Variants in ACTR3C observed in about 807,000 individuals in gnomAD.
ACTR3C encodes the protein actin-related protein 3C.
A neutral mutation model predicts 26.3 loss-of-function variants in ACTR3C; 18 were observed. The observed-to-expected ratio is 0.68, with a 90% CI of 0.47 to 1.01. The LOEUF is 1.01. ACTR3C is among the 50% of genes least tolerant of loss of function. ACTR3C has a pLI of 0.00. For missense variants in ACTR3C, 184 were observed against 250.7 expected (o/e 0.73, Z 1.80); for synonymous variants, 55 against 94.5 (o/e 0.58, Z 2.42).
the ACTR3C span, among the ~76,000 whole-genome samples, chr7:150,038,638 G>C: frequency 2.1e-5 from 3 of 144,234 alleles, no homozygotes; most frequent in East Asian, 5.9e-4. Context: ...GTTCGGACCC[G>C]TCGGATCGTA....
chr7:149,964,391 G>A, the ACTR3C span, among the ~76,000 whole-genome samples: 1 of 152,208 alleles, frequency 6.6e-6, no homozygotes, highest in East Asian at 1.9e-4. Context: ...CCGAAATGAG[G>A]ACCTGAAGCA....
At chr7:149,933,515 C>G in the ACTR3C span, among the ~76,000 whole-genome samples, 2 of 152,032 alleles carry the variant, frequency 1.3e-5, no homozygotes, top group Non-Finnish European at 2.9e-5. Context: ...ATTGAAGATA[C>G]TAAAGATAAT....
intron 6 of ACTR3C, among the ~76,000 whole-genome samples, chr7:150,261,193 A>C (rs1833611504): frequency 2.6e-5 from 4 of 152,218 alleles, no homozygotes; most frequent in South Asian, 2.1e-4. Flanking sequence ...GAAAGTCATA[A>C]TTTCTGCTGG....
chr7:150,180,079 G>T, the ACTR3C span, among the ~76,000 whole-genome samples: 104 of 151,266 alleles, frequency 6.9e-4, 1 homozygote, highest in African/African-American at 2.5e-3. Flanking sequence ...GCCGAGGGGG[G>T]TGGATCACGA....
chr7:150,054,544 C>T, the ACTR3C span, among the ~76,000 whole-genome samples: 9 of 152,362 alleles, frequency 5.9e-5, no homozygotes, highest in South Asian at 8.3e-4. Flanking sequence ...GAGAAGACCT[C>T]AATACAACCC....
chr7:150,022,917 C>T, the ACTR3C span, among the ~76,000 whole-genome samples: 1 of 151,436 alleles, frequency 6.6e-6, no homozygotes, highest in South Asian at 2.1e-4. Flanking sequence ...TCATGATTGT[C>T]TTGTTAGTCT....
chr7:150,251,476 A>C (rs1281009651), intron 6 of ACTR3C, among the ~76,000 whole-genome samples: 1 of 152,200 alleles, frequency 6.6e-6, no homozygotes, highest in Non-Finnish European at 1.5e-5. Context: ...AATTATAACA[A>C]TATTCAACCC....
the ACTR3C span, chr7:150,001,814 C>G: frequency 1.3e-5 from 2 of 151,144 alleles, no homozygotes; most frequent in Non-Finnish European, 2.9e-5. Flanking sequence ...ATTCCTGCAG[C>G]ATGCATGCAG....
the ACTR3C span, among the ~76,000 whole-genome samples, chr7:149,896,665 C>T: frequency 7.9e-5 from 12 of 151,684 alleles, no homozygotes; most frequent in Non-Finnish European, 5.9e-5. Flanking sequence ...TACATAACAA[C>T]ACTCTTTGTA....
chr7:150,258,461 T>G (rs1404577959), intron 6 of ACTR3C, among the ~76,000 whole-genome samples: 2 of 151,598 alleles, frequency 1.3e-5, no homozygotes, highest in Non-Finnish European at 1.5e-5. Flanking sequence ...CAGAGGGCTA[T>G]GAGAGTTAGG....
At chr7:150,225,618 T>G in the ACTR3C span, among the ~76,000 whole-genome samples, 1 of 152,252 alleles carries the variant, frequency 6.6e-6, no homozygotes, top group African/African-American at 2.4e-5. Context: ...TCTTACAGAC[T>G]CAACTCATTT....
the ACTR3C span, among the ~76,000 whole-genome samples, chr7:150,073,351 C>CA: frequency 0.73 from 110,632 of 151,370 alleles, 40,450 homozygotes; most frequent in East Asian, 0.81. Flanking sequence ...GTTAACATGA[C>CA]AAAAAAAATG....
At chr7:150,040,086 C>T in the ACTR3C span, among the ~76,000 whole-genome samples, 7 of 143,836 alleles carry the variant, frequency 4.9e-5, no homozygotes, top group Non-Finnish European at 1.1e-4. Flanking sequence ...ATGGGAGTCC[C>T]AAGAGCCAGG....
At chr7:150,310,633 C>T (rs1796226084) in intron 1 of ACTR3C, among the ~76,000 whole-genome samples, 1 of 152,126 alleles carries the variant, frequency 6.6e-6, no homozygotes, top group African/African-American at 2.4e-5. Flanking sequence ...TGCATCCCTC[C>T]TCCCAACCTC....
the ACTR3C span, among the ~76,000 whole-genome samples, chr7:150,034,920 G>A: frequency 2.0e-5 from 3 of 149,176 alleles, no homozygotes; most frequent in South Asian, 2.1e-4. Flanking sequence ...ACCCTGCGAT[G>A]GGGGTACTAA....
At chr7:150,229,775 C>T in the ACTR3C span, among the ~76,000 whole-genome samples, 1 of 151,034 alleles carries the variant, frequency 6.6e-6, no homozygotes, top group Non-Finnish European at 1.5e-5. Flanking sequence ...GGATAACAGG[C>T]GTGAGCCACT....
At chr7:150,006,214 T>TTTATTTATTTATTTATTTA in the ACTR3C span, among the ~76,000 whole-genome samples, 1 of 82,094 alleles carries the variant, frequency 1.2e-5, no homozygotes, top group African/African-American at 6.3e-5. Flanking sequence ...TTATTTATTT[T>TTTATTTATTTATTTATTTA]GAGAAGGAGT....
chr7:149,888,395 A>G, the ACTR3C span, among the ~76,000 whole-genome samples: 1 of 152,236 alleles, frequency 6.6e-6, no homozygotes, highest in South Asian at 2.1e-4. Context: ...TTTACACTCA[A>G]CCAACCTTGT....
At chr7:150,084,736 A>G in the ACTR3C span, among the ~76,000 whole-genome samples, 1 of 152,178 alleles carries the variant, frequency 6.6e-6, no homozygotes, top group Non-Finnish European at 1.5e-5. Flanking sequence ...TTGGTCTCAG[A>G]TGTGCAAAGG....
Sources: allele counts gnomAD v4.1 joint callset (sites outside exome capture counted in the v4.1 genomes callset), GRCh38; gene constraint gnomAD v4.1.1; transcripts MANE v1.5; gene names NCBI Gene and HGNC (gene_info 2026-07-23, HGNC 2026-07-21).